The following ZNF512 variants were observed in gnomAD, a reference collection of about 807,000 sequenced individuals.
ZNF512 encodes zinc finger protein 512.
Under a neutral mutation model 77.5 loss-of-function variants are expected in ZNF512, and 25 were observed. The ratio of observed to expected loss-of-function variants is 0.32; its 90% CI spans 0.23 to 0.45. ZNF512 has a LOEUF of 0.45. ZNF512 is among the 20% of genes least tolerant of loss of function. The pLI, the probability that ZNF512 is intolerant of heterozygous loss-of-function variation, is 1.00. For missense variants in ZNF512, 483 were observed against 692.6 expected (o/e 0.70, Z 3.40); for synonymous variants, 246 against 239.9 (o/e 1.03, Z -0.24).
rs1251413929 is a variant in ZNF512, at chr2:27,611,905, C to T, written c.1132-3263C>T. 5.3e-5 allele frequency among the ~76,000 whole-genome samples: 8 copies of T among 152,184 alleles called. No individual in the cohort carries two copies. The South Asian group carries it at 1.7e-3, about 32-fold the overall frequency. ...TAGAGACGGGGTTTCACCATATTGG[C>T]CAGGCTGGTCTCGAACTCCTGATCT... On this transcript the variant is annotated intron_variant, in intron 10 of 13. Coordinates refer to ENST00000355467, the MANE Select transcript of ZNF512 (RefSeq NM_032434.4).
intron 2 of ZNF512, among the ~76,000 whole-genome samples, chr2:27,584,262 C>G (rs1186169281): frequency 6.6e-6 from 1 of 152,140 alleles, no homozygotes; most frequent in East Asian, 1.9e-4. Context: ...ACATGAAATT[C>G]GTGCTCATAA....
chr2:27,601,271 A>G, intron 6 of ZNF512, 85 bp from the exon 7 acceptor site: 3 of 955,312 alleles, frequency 3.1e-6, no homozygotes, highest in African/African-American at 1.7e-5. Context: ...TAAAGGAGAC[A>G]TAGATGAAAG....
At chr2:27,598,607 C>T (rs189033483) in intron 3 of ZNF512, among the ~76,000 whole-genome samples, 7 of 141,938 alleles carry the variant, frequency 4.9e-5, no homozygotes, top group East Asian at 2.1e-4. Flanking sequence ...GTAGCCTGGG[C>T]GAAAGAGCGA....
At chr2:27,603,362 C>T (rs1672209741) in intron 9 of ZNF512, 55 bp downstream of exon 9, 1 of 1,578,150 alleles carries the variant, frequency 6.3e-7, no homozygotes, top group Non-Finnish European at 8.6e-7. Context: ...GTGGTGAGTC[C>T]TTACCCCTCT....
chr2:27,600,269 C>A (rs1035995276), intron 5 of ZNF512, among the ~76,000 whole-genome samples: 4 of 152,176 alleles, frequency 2.6e-5, no homozygotes, highest in African/African-American at 9.7e-5. Flanking sequence ...GCCTCAGTTT[C>A]CCTGTCTATG....
intron 2 of ZNF512, among the ~76,000 whole-genome samples, chr2:27,596,123 C>G (rs368931338): frequency 1.3e-5 from 2 of 152,152 alleles, no homozygotes; most frequent in East Asian, 3.8e-4. Flanking sequence ...GTTAAAATCT[C>G]GGTTCTGTTC....
intron 2 of ZNF512, among the ~76,000 whole-genome samples, chr2:27,593,064 G>A (rs924470278): frequency 2.6e-5 from 4 of 151,210 alleles, no homozygotes; most frequent in East Asian, 1.9e-4. Flanking sequence ...GAATAGTTTC[G>A]TTAAGATGTG....
chr2:27,606,669 A>G (rs142500066), intron 9 of ZNF512, among the ~76,000 whole-genome samples: 43 of 152,236 alleles, frequency 2.8e-4, no homozygotes, highest in Non-Finnish European at 4.9e-4. Flanking sequence ...CCCTCAGTGT[A>G]TAATTTTCTG....
At chr2:27,583,520 C>T (rs1481806186) in intron 1 of ZNF512, 138 bp from the exon 2 acceptor site, 5 of 1,506,480 alleles carry the variant, frequency 3.3e-6, no homozygotes, top group Non-Finnish European at 4.4e-6. Flanking sequence ...CATATTTTTC[C>T]TAAAAGGTGT....
rs1453381964 is a variant in ZNF512 at position 27,602,557 on chromosome 2, G to A, written c.764G>A (p.Arg255His). Residue 255 changes from arginine to histidine, a missense_variant, in exon 8 of 14, where the codon CGT (arginine) becomes CAT (histidine). Physicochemically the swap from Arg to His is conservative, Grantham distance 29. Transcript: ENST00000355467. ...AGACTGGGAAAGCTCAGGTGCATGC[G>A]TGAGGTAAGGGCCCAAGGACAGCAA... is the stretch of plus-strand genomic sequence containing the variant. ...LKRLGKLRCMRESCSSSFTSI... is the reference protein window; with the variant it reads ...LKRLGKLRCMHESCSSSFTSI... 4 of 1,612,760 alleles carry A rather than the reference G, an allele frequency of 2.5e-6. No individual in the cohort carries two copies. Among genetic ancestry groups the A allele is most frequent in the Non-Finnish European group, 3.4e-6 (4 of 1,179,542 alleles).
intron 10 of ZNF512, among the ~76,000 whole-genome samples, chr2:27,614,903 CTTT>C (rs995668187): frequency 1.3e-5 from 2 of 151,390 alleles, no homozygotes; most frequent in East Asian, 3.9e-4. Flanking sequence ...TACTCTGTAG[CTTT>C]TTTTTCTTTT....
Position 27,621,274 on chromosome 2 carries a change from GGCGGCAGCA to G in ZNF512, c.1520_1528del (p.Arg507_Gln509del). 1 of 1,614,212 alleles carries G rather than the reference GGCGGCAGCA, an allele frequency of 6.2e-7. No individual in the cohort carries two copies. Among genetic ancestry groups the G allele is most frequent in the Non-Finnish European group, 8.5e-7 (1 of 1,180,046 alleles). Reference sequence around the variant, plus strand: ...CACAGGAGCAGAAGGTCTCTAAGAAGGCGGCAGCAGCCTGGCATTGAGCTTCCCGAGACA... The same window carrying G: ...CACAGGAGCAGAAGGTCTCTAAGAAGGCCTGGCATTGAGCTTCCCGAGACA... On this transcript the variant is annotated inframe_deletion, in exon 14 of 14. Transcript: ENST00000355467.
chr2:27,591,270 A>G (rs1177002234), intron 2 of ZNF512, among the ~76,000 whole-genome samples: 1 of 152,156 alleles, frequency 6.6e-6, no homozygotes, highest in Non-Finnish European at 1.5e-5. Flanking sequence ...TATGTGGTAC[A>G]TGAGATGTTT....
intron 2 of ZNF512, among the ~76,000 whole-genome samples, chr2:27,588,503 C>G (rs187379537): frequency 6.6e-6 from 1 of 151,900 alleles, no homozygotes; most frequent in African/African-American, 2.4e-5. Flanking sequence ...TATTTATATA[C>G]CCAGTTGTTG....
In ZNF512 at chr2:27,605,403, G is replaced by A. The variant is rs145990954; in HGVS notation, c.936+2096G>A. On this transcript the variant is annotated intron_variant, in intron 9 of 13. Coordinates refer to ENST00000355467, the MANE Select transcript of ZNF512 (RefSeq NM_032434.4). Reference sequence around the variant, plus strand: ...CAGGAGGCGGAGATTGCAGTGAGCCGAGATGGTGCCACTGCACTCCAGCCT... The same window carrying A: ...CAGGAGGCGGAGATTGCAGTGAGCCAAGATGGTGCCACTGCACTCCAGCCT... Among the ~76,000 whole-genome samples the A allele has an allele frequency of 1.8e-3, 275 of 152,030 alleles. 1 individual carries two copies. In the East Asian group the frequency reaches 0.022, roughly 12 times the overall value.
At chr2:27,618,767 G>A (rs1187880259) in intron 13 of ZNF512, among the ~76,000 whole-genome samples, 2 of 152,188 alleles carry the variant, frequency 1.3e-5, no homozygotes, top group African/African-American at 4.8e-5. Context: ...TTCTCTTGGG[G>A]AAGGTTTTTT....
At chr2:27,602,102 G>A (rs1217929957) in intron 7 of ZNF512, among the ~76,000 whole-genome samples, 1 of 152,238 alleles carries the variant, frequency 6.6e-6, no homozygotes, top group African/African-American at 2.4e-5. Flanking sequence ...TTTTACTTAT[G>A]TGAGTGTAGA....
intron 12 of ZNF512, chr2:27,617,227 T>C: frequency 2.6e-6 from 1 of 391,228 alleles, no homozygotes; most frequent in Non-Finnish European, 4.7e-6. Context: ...TGAGAAAAAG[T>C]AGGAGACTTT....
At chr2:27,617,717 A>G (rs1672943790) in intron 13 of ZNF512, 146 bp downstream of exon 13, 1 of 563,950 alleles carries the variant, frequency 1.8e-6, no homozygotes, top group South Asian at 2.6e-5. Flanking sequence ...CTCTAAACTT[A>G]GATATATAAT....
Sources: gnomAD v4.1 joint callset for allele counts (sites outside exome capture counted in the v4.1 genomes callset) on GRCh38, gnomAD v4.1.1 for gene constraint, MANE v1.5 for transcripts, NCBI Gene and HGNC (gene_info 2026-07-23, HGNC 2026-07-21) for gene names.